Variants in RHBDL2 observed in about 807,000 individuals in gnomAD.
The protein encoded by RHBDL2 is rhomboid-related protein 2.
Under a neutral mutation model 31.7 loss-of-function variants are expected in RHBDL2, and 26 were observed. That is an observed-to-expected ratio of 0.82 (90% CI 0.60 to 1.14). The LOEUF (loss-of-function observed/expected upper bound fraction) is 1.14, where lower values mean the gene tolerates loss of function less well. Among genes scored for constraint, RHBDL2 ranks in the 50% most tolerant of loss-of-function variants. The probability of loss-of-function intolerance (pLI) is 0.00; values close to 1 mark genes in which losing one functional copy is unlikely to be tolerated. For synonymous variants in RHBDL2, 123 were observed against 127.2 expected (o/e 0.97, Z 0.22); for missense variants, 336 against 364.4 (o/e 0.92, Z 0.63).
chr1:38,899,245 C>A (rs1642958562), intron 4 of RHBDL2, among the ~76,000 whole-genome samples: 1 of 152,184 alleles, frequency 6.6e-6, no homozygotes, highest in Non-Finnish European at 1.5e-5. Context: ...AAAGGAAGTG[C>A]AGCAAGGCCC....
At chr1:38,916,119 A>G (rs1643232276) in intron 2 of RHBDL2, among the ~76,000 whole-genome samples, 1 of 152,196 alleles carries the variant, frequency 6.6e-6, no homozygotes, top group South Asian at 2.1e-4. Flanking sequence ...AGGGAAAGGG[A>G]AAAATAGTCA....
intron 1 of RHBDL2, among the ~76,000 whole-genome samples, chr1:38,919,974 A>G (rs943672356): frequency 6.6e-6 from 1 of 152,124 alleles, no homozygotes; most frequent in African/African-American, 2.4e-5. Context: ...CATCACAAAC[A>G]AAAACCCCAT....
At chr1:38,934,277 G>A (rs1417627893) in intron 1 of RHBDL2, among the ~76,000 whole-genome samples, 2 of 152,016 alleles carry the variant, frequency 1.3e-5, no homozygotes, top group Non-Finnish European at 2.9e-5. Flanking sequence ...GAACTTAAGA[G>A]GCAGAGGTTG....
At chr1:38,940,327 C>T (rs1643547946) in intron 1 of RHBDL2, among the ~76,000 whole-genome samples, 1 of 152,150 alleles carries the variant, frequency 6.6e-6, no homozygotes, top group African/African-American at 2.4e-5. Context: ...CACAAACCAG[C>T]ACCTGACACC....
intron 4 of RHBDL2, among the ~76,000 whole-genome samples, chr1:38,899,929 C>T (rs138216143): frequency 5.9e-4 from 90 of 152,294 alleles, no homozygotes; most frequent in African/African-American, 2.1e-3. Flanking sequence ...GGGCCGTCCT[C>T]CTCTGCTTTT....
intron 4 of RHBDL2, among the ~76,000 whole-genome samples, chr1:38,910,172 G>A (rs7540233): frequency 0.54 from 81,851 of 152,062 alleles, 24,112 homozygotes; most frequent in Non-Finnish European, 0.67. Context: ...TGGAGAACAG[G>A]TTAGTGGTTG....
chr1:38,924,000 A>G (rs1643344532), intron 1 of RHBDL2, among the ~76,000 whole-genome samples: 1 of 152,230 alleles, frequency 6.6e-6, no homozygotes, highest in Non-Finnish European at 1.5e-5. Flanking sequence ...ACCAAGAACC[A>G]AAACCCTTTC....
At chr1:38,908,513 CAAAAAAAAAA>C (rs35185971) in intron 4 of RHBDL2, among the ~76,000 whole-genome samples, 23 of 66,880 alleles carry the variant, frequency 3.4e-4, no homozygotes, top group South Asian at 6.1e-4. Flanking sequence ...ACTCCGTCTC[CAAAAAAAAAA>C]AAAAAAAAAA....
At chr1:38,936,504 T>TG (rs1643513660) in intron 1 of RHBDL2, among the ~76,000 whole-genome samples, 1 of 149,626 alleles carries the variant, frequency 6.7e-6, no homozygotes, top group South Asian at 2.2e-4. Context: ...TTTTTGGGTT[T>TG]TTTTTTTTTT....
intron 4 of RHBDL2, among the ~76,000 whole-genome samples, chr1:38,909,613 A>C (rs955456254): frequency 3.1e-4 from 47 of 151,984 alleles, no homozygotes; most frequent in African/African-American, 1.1e-3. Context: ...GTGGTGGCAG[A>C]CACCTGTAAT....
At chr1:38,931,516 C>T (rs200483493) in intron 1 of RHBDL2, among the ~76,000 whole-genome samples, 1 of 139,434 alleles carries the variant, frequency 7.2e-6, no homozygotes, top group South Asian at 2.2e-4. Flanking sequence ...AGCGAGACTC[C>T]GTCTCAAAAA....
intron 1 of RHBDL2, among the ~76,000 whole-genome samples, chr1:38,940,091 C>A (rs1643546744): frequency 6.6e-6 from 1 of 152,148 alleles, no homozygotes; most frequent in South Asian, 2.1e-4. Flanking sequence ...GCCATGTGAC[C>A]TTAGGCAAAT....
In RHBDL2 at chr1:38,893,197, CA is replaced by C; in HGVS notation, c.636del (p.Phe212LeufsTer7). ...LVNFQEMIPA[F>X]GIFRLLIIIL... ...ATGATGATCAGCAGTCTGAAAATTC[CA>C]AAGGCAGGAATCATTTCTTGAAAAT... On this transcript the variant is annotated frameshift_variant, in exon 6 of 8. Transcript: ENST00000372990. LOFTEE classifies it high-confidence loss of function. 6.4e-7 allele frequency: 1 copy of C among 1,569,436 alleles called. No individual in the cohort carries two copies. Among genetic ancestry groups the C allele is most frequent in the Non-Finnish European group, 8.8e-7 (1 of 1,140,878 alleles).
At chr1:38,906,445 C>T (rs753931585) in intron 4 of RHBDL2, among the ~76,000 whole-genome samples, 37 of 151,958 alleles carry the variant, frequency 2.4e-4, no homozygotes, top group African/African-American at 4.6e-4. Context: ...GAGGCCAAGG[C>T]GGGCAGATCA....
At chr1:38,896,103 C>A in intron 4 of RHBDL2, 34 bp from the exon 5 acceptor site, 1 of 1,440,526 alleles carries the variant, frequency 6.9e-7, no homozygotes. Flanking sequence ...TCAGACATGA[C>A]TATACGGATC....
chr1:38,911,637 TGTGTGTGTGCGC>T lies in RHBDL2; in HGVS notation c.396-215_396-204del, dbSNP rs1167128868. 3.7e-3 allele frequency among the ~76,000 whole-genome samples: 188 copies of T among 51,126 alleles called. 1 individual carries two copies. Among genetic ancestry groups the T allele is most frequent in the Middle Eastern group, 0.016 (1 of 64 alleles). 33.5% of individuals were successfully genotyped at this position (51,126 alleles called of 152,430 possible). ...GTGTGTGTGTGTGTGTGTGTGTGTGTGTGTGTGTGCGCGCGCGCGCGCGTGTGTGACTTGCTG... is the reference window on the plus strand; with the variant it reads ...GTGTGTGTGTGTGTGTGTGTGTGTGTGCGCGCGCGCGTGTGTGACTTGCTG... On this transcript the variant is annotated intron_variant, in intron 3 of 7. Coordinates refer to ENST00000372990, the MANE Select transcript of RHBDL2 (RefSeq NM_017821.5).
At chr1:38,896,153 G>T in intron 4 of RHBDL2, 84 bp from the exon 5 acceptor site, 1 of 1,055,790 alleles carries the variant, frequency 9.5e-7, no homozygotes, top group South Asian at 1.4e-5. Context: ...AGACATTTGG[G>T]AAGTCTGGTC....
Position 38,886,669 on chromosome 1 carries a change from A to G in RHBDL2, c.747T>C (p.Ala249=), listed in dbSNP as rs141581305. 2 of 1,558,474 alleles carry G rather than the reference A, an allele frequency of 1.3e-6. No individual in the cohort carries two copies. Among genetic ancestry groups the G allele is most frequent in the East Asian group, 4.6e-5 (2 of 43,520 alleles). ...TTCCAGCAAATCCACCTGCAATGTG[A>G]GCTGCAAAAGACACCTTGGGAGAAA... ...PEDGSPVSFA[A]HIAGGFAGMS... The change falls in exon 8 of 8, where the codon GCT becomes GCC. Residue 249 remains alanine (A), a synonymous_variant. Coordinates refer to ENST00000372990, the MANE Select transcript of RHBDL2 (RefSeq NM_017821.5).
intron 3 of RHBDL2, among the ~76,000 whole-genome samples, chr1:38,913,171 C>CGGG (rs1042213818): frequency 6.6e-6 from 1 of 151,052 alleles, no homozygotes. Flanking sequence ...TTACTAGAGA[C>CGGG]GGGGTTTCAC....
Sources: gnomAD v4.1 joint callset for allele counts (sites outside exome capture counted in the v4.1 genomes callset) on GRCh38, gnomAD v4.1.1 for gene constraint, MANE v1.5 for transcripts, NCBI Gene and HGNC (gene_info 2026-07-23, HGNC 2026-07-21) for gene names.